The following KAZN variants were observed in gnomAD, a reference collection of about 807,000 sequenced individuals.
KAZN encodes kazrin.
KAZN carries 40 observed loss-of-function variants against 87.4 expected under a neutral mutation model. That is an observed-to-expected ratio of 0.46 (90% CI 0.36 to 0.60). The LOEUF (loss-of-function observed/expected upper bound fraction) is 0.60. Ranked by LOEUF, KAZN falls within the 20% of genes least tolerant of loss-of-function variation. The pLI is 0.00. For missense variants in KAZN, 898 were observed against 1,073.9 expected, an observed-to-expected ratio of 0.84 and a Z score of 2.29; for synonymous variants, 466 against 458.3, an observed-to-expected ratio of 1.02 and a Z score of -0.22.
At chr1:14,873,020 A>ATGGG (rs1299901896) in intron 1 of KAZN, among the ~76,000 whole-genome samples, 36 of 151,392 alleles carry the variant, frequency 2.4e-4, no homozygotes, top group African/African-American at 6.8e-4. Context: ...GGATGGATGG[A>ATGGG]TGGGTGGGTG....
chr1:14,793,100 T>C (rs1390740978), intron 1 of KAZN, among the ~76,000 whole-genome samples: 8 of 152,028 alleles, frequency 5.3e-5, no homozygotes, highest in Admixed American at 2.6e-4. Context: ...AGGCCACTGA[T>C]GGCTTTCAGC....
intron 1 of KAZN, among the ~76,000 whole-genome samples, chr1:14,092,568 T>C (rs1418644314): frequency 1.6e-5 from 2 of 127,078 alleles, no homozygotes; most frequent in East Asian, 2.4e-4. Flanking sequence ...CACACATATA[T>C]ACATATGTAT....
chr1:14,760,460 C>T (rs1265634286), intron 1 of KAZN, among the ~76,000 whole-genome samples: 4 of 152,192 alleles, frequency 2.6e-5, no homozygotes, highest in Non-Finnish European at 5.9e-5. Context: ...AGCAGCAACT[C>T]GGCACTCGCT....
At chr1:14,882,319 G>A (rs558855025) in intron 1 of KAZN, among the ~76,000 whole-genome samples, 85 of 152,338 alleles carry the variant, frequency 5.6e-4, no homozygotes, top group Admixed American at 2.1e-3. Flanking sequence ...ATATGCTTTA[G>A]CCAGGACTAT....
chr1:14,763,252 C>G (rs1644793308), intron 1 of KAZN, among the ~76,000 whole-genome samples: 1 of 152,224 alleles, frequency 6.6e-6, no homozygotes, highest in Admixed American at 6.5e-5. Context: ...CATACAGCAA[C>G]TAGTTGAGGA....
intron 1 of KAZN, among the ~76,000 whole-genome samples, chr1:14,765,609 G>A (rs1042081754): frequency 3.3e-5 from 5 of 152,208 alleles, no homozygotes; most frequent in South Asian, 2.1e-4. Flanking sequence ...CTTCAGACAG[G>A]GATGTGGGGC....
chr1:15,050,768 C>G (rs1344030377), intron 4 of KAZN, among the ~76,000 whole-genome samples: 1 of 152,142 alleles, frequency 6.6e-6, no homozygotes, highest in Non-Finnish European at 1.5e-5. Flanking sequence ...CAATCCCGAG[C>G]CCACCTGAGC....
At chr1:14,205,252 G>A (rs985567995) in intron 2 of KAZN, among the ~76,000 whole-genome samples, 1 of 152,190 alleles carries the variant, frequency 6.6e-6, no homozygotes, top group Non-Finnish European at 1.5e-5. Context: ...AGGAGAGCGA[G>A]GAAATGGGTT....
intron 2 of KAZN, among the ~76,000 whole-genome samples, chr1:14,459,957 T>TA (rs1334545555): frequency 3.3e-5 from 5 of 152,142 alleles, no homozygotes; most frequent in Non-Finnish European, 7.4e-5. Flanking sequence ...GAGTAATAAA[T>TA]ACTTAACTAG....
chr1:14,831,722 T>C (rs1647053644), intron 1 of KAZN, among the ~76,000 whole-genome samples: 1 of 152,172 alleles, frequency 6.6e-6, no homozygotes, highest in Non-Finnish European at 1.5e-5. Flanking sequence ...GCCCACTGAA[T>C]GGGAAACCGA....
intron 1 of KAZN, among the ~76,000 whole-genome samples, chr1:13,931,015 T>A (rs967166662): frequency 2.6e-5 from 4 of 152,320 alleles, no homozygotes; most frequent in Admixed American, 2.6e-4. Context: ...GTCTGTCTTA[T>A]GTGTCTGGAC....
chr1:14,933,965 C>T (rs1444335100), intron 1 of KAZN, among the ~76,000 whole-genome samples: 2 of 151,218 alleles, frequency 1.3e-5, no homozygotes, highest in Admixed American at 6.6e-5. Context: ...CTCCTGCCTC[C>T]GCCTCCCGAG....
chr1:14,132,957 G>T (rs1356541383), intron 1 of KAZN, among the ~76,000 whole-genome samples: 1 of 152,118 alleles, frequency 6.6e-6, no homozygotes, highest in African/African-American at 2.4e-5. Flanking sequence ...GGAAAGATGG[G>T]ATTAGGTTCA....
At position 14,832,567 on chromosome 1, in the gene KAZN, G is replaced by A. The variant is rs140339473; in HGVS notation, c.227-128117G>A. ...CACACTGGAAGAAGAATTGTCTTGGGCCACACATAAGATACACTAACACTG... is the reference window on the plus strand; with the variant it reads ...CACACTGGAAGAAGAATTGTCTTGGACCACACATAAGATACACTAACACTG... On this transcript the variant is annotated intron_variant, in intron 1 of 14. Coordinates refer to ENST00000376030, the MANE Select transcript of KAZN (RefSeq NM_201628.3). 3.4e-3 allele frequency among the ~76,000 whole-genome samples: 519 copies of A among 152,182 alleles called. 2 individuals carry two copies. Among genetic ancestry groups the A allele is most frequent in the African/African-American group, 0.012 (497 of 41,506 alleles).
Position 14,369,121 on chromosome 1 carries a change from A to G in KAZN, c.249+188529A>G, listed in dbSNP as rs561111654. On this transcript the variant is annotated intron_variant, in intron 2 of 16. Transcript: ENST00000636203. The stretch of plus-strand genomic sequence containing the variant: ...ACACCAAGATGTGTTTCTGCAGCGT[A>G]GCCTCAGGAAAGAATCAGATGGAGA... Among the ~76,000 whole-genome samples the G allele has an allele frequency of 7.2e-4, 110 of 152,368 alleles. 3 individuals are homozygous for G. The South Asian group carries it at 0.022, about 31-fold the overall frequency.
intron 2 of KAZN, among the ~76,000 whole-genome samples, chr1:14,346,381 C>T (rs138064534): frequency 3.3e-5 from 5 of 152,260 alleles, no homozygotes; most frequent in African/African-American, 4.8e-5. Flanking sequence ...GGGACAGAAG[C>T]GAATCCCTCT....
Position 14,478,880 on chromosome 1 carries a change from T to C in KAZN, c.250-120103T>C, listed in dbSNP as rs144709491. Among the ~76,000 whole-genome samples, 893 of 152,250 alleles carry C rather than the reference T, an allele frequency of 5.9e-3. 8 individuals carry two copies. The highest frequency in any genetic ancestry group is 0.021 in the African/African-American group (856 of 41,516). ...CAAAGGCTTGGATACAGGTAGTTTA[T>C]TGGGAGCAGATCCAAGAAAACAAGA... On this transcript the variant is annotated intron_variant, in intron 2 of 16. Coordinates refer to the KAZN transcript ENST00000636203.
At chr1:14,940,646 G>A (rs999863629) in intron 1 of KAZN, among the ~76,000 whole-genome samples, 2 of 152,144 alleles carry the variant, frequency 1.3e-5, no homozygotes, top group Admixed American at 1.3e-4. Context: ...AGCTGCTGGA[G>A]CCTGTACCTT....
intron 1 of KAZN, among the ~76,000 whole-genome samples, chr1:14,868,998 C>T (rs866733808): frequency 2.0e-5 from 3 of 152,116 alleles, no homozygotes; most frequent in South Asian, 2.1e-4. Flanking sequence ...TTGGGGGCCC[C>T]GGTGGTATTG....
Sources: gnomAD v4.1 joint callset for allele counts (sites outside exome capture counted in the v4.1 genomes callset) on GRCh38, gnomAD v4.1.1 for gene constraint, MANE v1.5 for transcripts, NCBI Gene and HGNC (gene_info 2026-07-23, HGNC 2026-07-21) for gene names.